Variants in DPP10 observed in about 807,000 individuals in gnomAD.
The protein encoded by DPP10 is dipeptidyl peptidase like 10, also known as inactive dipeptidyl peptidase 10.
DPP10 carries 33 observed loss-of-function variants against 120.9 expected under a neutral mutation model. The ratio of observed to expected loss-of-function variants is 0.27; its 90% CI spans 0.21 to 0.37. The LOEUF is 0.37. DPP10 is among the 10% of genes least tolerant of loss of function. The probability of loss-of-function intolerance (pLI) is 1.00; values close to 1 mark genes in which losing one functional copy is unlikely to be tolerated. For missense variants in DPP10, 816 were observed against 942.8 expected (o/e 0.87, Z 1.76); for synonymous variants, 337 against 326.1 (o/e 1.03, Z -0.36).
intron 1 of DPP10, among the ~76,000 whole-genome samples, chr2:114,636,529 A>G (rs1308947689): frequency 1.3e-5 from 2 of 151,996 alleles, no homozygotes; most frequent in Non-Finnish European, 2.9e-5. Flanking sequence ...TAGAATTATT[A>G]GGAAAACTGT....
chr2:114,530,611 G>A lies in DPP10; in HGVS notation c.60+87773G>A, dbSNP rs543639020. Among the ~76,000 whole-genome samples, 204 of 152,058 alleles carry A rather than the reference G, an allele frequency of 1.3e-3. 1 individual carries two copies. Among genetic ancestry groups the A allele is most frequent in the Non-Finnish European group, 2.3e-3 (154 of 68,014 alleles). On this transcript the variant is annotated intron_variant, in intron 1 of 25. Transcript: ENST00000410059. Reference sequence around the variant, plus strand: ...TCCACAATAAAACCTCAGAGCACAAGCCAATAACTCAAGTACTCAAATGCC... The same window carrying A: ...TCCACAATAAAACCTCAGAGCACAAACCAATAACTCAAGTACTCAAATGCC...
rs184319536 is a variant in DPP10 at position 114,552,993 on chromosome 2, G to A, written c.60+110155G>A. ...TCCTCATTCAAAGCATTATTCAGTTGTCCTCTCCTCTTGCTGCTTAAGCCT... is the reference window on the plus strand; with the variant it reads ...TCCTCATTCAAAGCATTATTCAGTTATCCTCTCCTCTTGCTGCTTAAGCCT... On this transcript the variant is annotated intron_variant, in intron 1 of 25. Coordinates refer to ENST00000410059, the MANE Select transcript of DPP10 (RefSeq NM_020868.6). Among the ~76,000 whole-genome samples the A allele has an allele frequency of 5.3e-5, 8 of 152,128 alleles. No homozygotes were observed. In the East Asian group the frequency reaches 1.5e-3, roughly 29 times the overall value.
At chr2:115,192,673 A>T (rs1329512373) in intron 1 of DPP10, among the ~76,000 whole-genome samples, 1 of 152,152 alleles carries the variant, frequency 6.6e-6, no homozygotes, top group African/African-American at 2.4e-5. Flanking sequence ...AGATAAGCTA[A>T]ATTTCACCTT....
At chr2:114,451,798 C>A (rs1452631753) in intron 1 of DPP10, among the ~76,000 whole-genome samples, 1 of 152,064 alleles carries the variant, frequency 6.6e-6, no homozygotes, top group Non-Finnish European at 1.5e-5. Flanking sequence ...TTCTATGACC[C>A]TGGGAATCAT....
At chr2:115,264,753 A>G (rs1574220528) in intron 1 of DPP10, among the ~76,000 whole-genome samples, 1 of 152,222 alleles carries the variant, frequency 6.6e-6, no homozygotes, top group Admixed American at 6.5e-5. Flanking sequence ...TTTAAGAAAG[A>G]TGATGCTGTT....
intron 10 of DPP10, among the ~76,000 whole-genome samples, 185 bp downstream of exon 10, chr2:115,746,368 C>G (rs1677974659): frequency 6.6e-6 from 1 of 152,108 alleles, no homozygotes; most frequent in Non-Finnish European, 1.5e-5. Context: ...AAGCATTTAG[C>G]TCCAAGGTGA....
In DPP10 at chr2:115,340,531, G is replaced by A. The variant is rs548927436; in HGVS notation, c.176-3286G>A. ...TTATTTTAATAAAATTTCTATTTGAGTTGTAATATGATTTTAAAGCTCACA... is the reference window on the plus strand; with the variant it reads ...TTATTTTAATAAAATTTCTATTTGAATTGTAATATGATTTTAAAGCTCACA... On this transcript the variant is annotated intron_variant, in intron 2 of 25. Coordinates refer to ENST00000410059, the MANE Select transcript of DPP10 (RefSeq NM_020868.6). Among the ~76,000 whole-genome samples, 10 of 151,880 alleles carry A rather than the reference G, an allele frequency of 6.6e-5. No homozygotes were observed. In the South Asian group the frequency reaches 2.1e-3, roughly 32 times the overall value.
intron 7 of DPP10, among the ~76,000 whole-genome samples, chr2:115,693,481 C>T (rs988509077): frequency 2.0e-5 from 3 of 152,018 alleles, no homozygotes; most frequent in Non-Finnish European, 2.9e-5. Flanking sequence ...CAAAATACTG[C>T]CCAGTATTTT....
At chr2:114,776,256 G>A (rs1681728247) in intron 1 of DPP10, among the ~76,000 whole-genome samples, 1 of 152,112 alleles carries the variant, frequency 6.6e-6, no homozygotes, top group Non-Finnish European at 1.5e-5. Flanking sequence ...ATGATCTGAG[G>A]CCTGCTGAAC....
chr2:114,705,043 C>T (rs1445135559), intron 1 of DPP10, among the ~76,000 whole-genome samples: 1 of 152,146 alleles, frequency 6.6e-6, no homozygotes, highest in African/African-American at 2.4e-5. Context: ...CCTCCAGAAT[C>T]TTGAAAAATG....
intron 5 of DPP10, among the ~76,000 whole-genome samples, chr2:115,596,725 G>A (rs1185988222): frequency 1.3e-5 from 2 of 152,010 alleles, no homozygotes; most frequent in Non-Finnish European, 1.5e-5. Context: ...CTCAAACCAC[G>A]GGAAAAAATT....
chr2:115,797,890 TATA>T (rs1684717494), intron 19 of DPP10, among the ~76,000 whole-genome samples: 1 of 151,874 alleles, frequency 6.6e-6, no homozygotes, highest in African/African-American at 2.4e-5. Flanking sequence ...ATGCCTAAGC[TATA>T]ATATTTGTTT....
chr2:115,826,219 T>C (rs1688299999), intron 21 of DPP10, among the ~76,000 whole-genome samples: 1 of 152,222 alleles, frequency 6.6e-6, no homozygotes, highest in African/African-American at 2.4e-5. Flanking sequence ...TGATTTTTAG[T>C]CTGGTCCGTT....
At chr2:115,167,604 CAAAAAA>C (rs59031977) in intron 1 of DPP10, among the ~76,000 whole-genome samples, 4 of 48,550 alleles carry the variant, frequency 8.2e-5, no homozygotes, top group Non-Finnish European at 2.0e-4. Context: ...GAGACCGTCT[CAAAAAA>C]AAAAAAAAAA....
intron 13 of DPP10, among the ~76,000 whole-genome samples, chr2:115,773,974 G>A (rs773489786): frequency 7.9e-5 from 12 of 152,008 alleles, no homozygotes; most frequent in Non-Finnish European, 1.5e-4. Context: ...TTAAAAGCAA[G>A]CAAGGCAATT....
intron 5 of DPP10, among the ~76,000 whole-genome samples, chr2:115,617,197 C>T (rs1480767776): frequency 1.3e-5 from 2 of 148,164 alleles, no homozygotes; most frequent in East Asian, 3.9e-4. Flanking sequence ...AGGGTACATT[C>T]CAAGACCCCC....
chr2:115,354,763 A>G (rs1015887304), intron 3 of DPP10, among the ~76,000 whole-genome samples: 1 of 150,900 alleles, frequency 6.6e-6, no homozygotes, highest in Non-Finnish European at 1.5e-5. Flanking sequence ...ATATGTTCTC[A>G]TTGTTCAACT....
chr2:114,962,126 C>G (rs1297739140), intron 1 of DPP10, among the ~76,000 whole-genome samples: 7 of 151,998 alleles, frequency 4.6e-5, no homozygotes, highest in Admixed American at 4.6e-4. Context: ...TTTACTTCTT[C>G]TCACTTCATC....
chr2:114,764,284 CTTT>C (rs201499611), intron 1 of DPP10, among the ~76,000 whole-genome samples: 137 of 126,064 alleles, frequency 1.1e-3, no homozygotes, highest in African/African-American at 3.9e-3. Context: ...CTTAAATTGC[CTTT>C]TTTTTTTTTT....
Sources: allele counts gnomAD v4.1 joint callset (sites outside exome capture counted in the v4.1 genomes callset), GRCh38; gene constraint gnomAD v4.1.1; transcripts MANE v1.5; gene names NCBI Gene and HGNC (gene_info 2026-07-23, HGNC 2026-07-21).